WDR41: variants seen among roughly 807,000 people sequenced by gnomAD.
WDR41 encodes the protein WD repeat domain 41.
WDR41 carries 63 observed loss-of-function variants against 69.3 expected under a neutral mutation model. The ratio of observed to expected loss-of-function variants is 0.91; its 90% CI spans 0.74 to 1.12. The LOEUF (loss-of-function observed/expected upper bound fraction) is 1.12. WDR41 is among the 50% of genes most tolerant of loss of function. The pLI is 0.00. For missense variants in WDR41, 543 were observed against 534.5 expected (o/e 1.02, Z -0.16); for synonymous variants, 185 against 192.1 (o/e 0.96, Z 0.31).
intron 1 of WDR41, among the ~76,000 whole-genome samples, chr5:77,568,588 G>A (rs903899389): frequency 3.9e-5 from 6 of 152,134 alleles, no homozygotes; most frequent in African/African-American, 1.4e-4. Context: ...TGATTTGGGG[G>A]AGAAAATAAT....
At chr5:77,433,442 A>G (rs1043249877) in intron 12 of WDR41, among the ~76,000 whole-genome samples, 155 bp from the exon 13 acceptor site, 3 of 152,242 alleles carry the variant, frequency 2.0e-5, no homozygotes, top group African/African-American at 7.2e-5. Context: ...GGTAAGTCAC[A>G]TACAAATAAT....
intron 1 of WDR41, among the ~76,000 whole-genome samples, chr5:77,517,055 T>G (rs1419301337): frequency 6.8e-6 from 1 of 148,012 alleles, no homozygotes; most frequent in Non-Finnish European, 1.5e-5. Context: ...AAAAATAAAA[T>G]AAAAGAATGT....
chr5:77,608,803 G>A (rs1034389073), intron 1 of WDR41, among the ~76,000 whole-genome samples: 2 of 152,198 alleles, frequency 1.3e-5, no homozygotes, highest in Admixed American at 6.5e-5. Context: ...GACAGTGGGC[G>A]CAGGACAGGG....
intron 1 of WDR41, among the ~76,000 whole-genome samples, chr5:77,556,455 C>T (rs982944027): frequency 2.0e-5 from 3 of 151,852 alleles, no homozygotes; most frequent in African/African-American, 7.3e-5. Context: ...CTGCGCAGGC[C>T]AGAGTGCAGT....
intron 2 of WDR41, among the ~76,000 whole-genome samples, chr5:77,468,616 C>T (rs1241082331): frequency 6.6e-6 from 1 of 152,128 alleles, no homozygotes; most frequent in African/African-American, 2.4e-5. Context: ...CCCAAAAATT[C>T]AAATGTTACC....
chr5:77,575,064 A>T (rs34966625), intron 1 of WDR41, among the ~76,000 whole-genome samples: 17,457 of 152,210 alleles, frequency 0.11, 1,247 homozygotes, highest in South Asian at 0.16. Flanking sequence ...AAAAAAAAAC[A>T]AACATATCTT....
At chr5:77,464,872 GAACT>G in intron 2 of WDR41, 63 bp from the exon 3 acceptor site, 1 of 1,524,156 alleles carries the variant, frequency 6.6e-7, no homozygotes. Context: ...CTAAGATTAA[GAACT>G]ATCAAACCTT....
At chr5:77,490,396 T>C (rs1801720541) in intron 1 of WDR41, among the ~76,000 whole-genome samples, 2 of 152,150 alleles carry the variant, frequency 1.3e-5, no homozygotes, top group Admixed American at 6.5e-5. Flanking sequence ...TCTCCAGACA[T>C]TGCCAAATGT....
upstream of WDR41, among the ~76,000 whole-genome samples, chr5:77,496,906 G>A (rs537103132): frequency 1.6e-4 from 25 of 152,238 alleles, no homozygotes; most frequent in Admixed American, 4.6e-4. Flanking sequence ...CAGACATGTA[G>A]ACCAATGGAA....
In WDR41 at chr5:77,594,439, A is replaced by G. The variant is rs867667192; in HGVS notation, c.42+26040T>C. Among the ~76,000 whole-genome samples the G allele has an allele frequency of 3.9e-5, 6 of 152,144 alleles. No individual in the cohort carries two copies. In the South Asian group the frequency reaches 1.2e-3, roughly 32 times the overall value. ...TAAAAAATGTATATATAAAAAATAA[A>G]AAAGAAATAAAAAAAGAAAATAAAT... is the stretch of plus-strand genomic sequence containing the variant. On this transcript the variant is annotated intron_variant, in intron 1 of 5. Transcript: ENST00000509971.
intron 2 of WDR41, among the ~76,000 whole-genome samples, chr5:77,478,334 C>A (rs1210253712): frequency 1.3e-5 from 2 of 152,150 alleles, no homozygotes. Context: ...ATGAGGCCAG[C>A]ATCATCCTGA....
intron 2 of WDR41, among the ~76,000 whole-genome samples, chr5:77,481,022 T>C (rs1801212904): frequency 1.3e-5 from 2 of 150,650 alleles, no homozygotes; most frequent in Non-Finnish European, 3.0e-5. Flanking sequence ...GTGGGTTTTC[T>C]GGGTTGTTTT....
intron 2 of WDR41, 79 bp from the exon 3 acceptor site, chr5:77,464,888 T>C: frequency 7.1e-7 from 1 of 1,416,128 alleles, no homozygotes; most frequent in Non-Finnish European, 9.9e-7. Flanking sequence ...TCAAACCTTA[T>C]TAGTGGTATT....
intron 2 of WDR41, among the ~76,000 whole-genome samples, chr5:77,488,269 G>A (rs1801609448): frequency 6.6e-6 from 1 of 152,084 alleles, no homozygotes; most frequent in Admixed American, 6.6e-5. Context: ...GAACTGCACT[G>A]CACATGGTAA....
In WDR41 at chr5:77,488,823, CACT is replaced by C. The variant is rs151132471; in HGVS notation, c.167+631_167+633del. ...AGAGGACGAAAATATTGAATTACACCACTAATTATGTAATTATTATGGTGAAAC... is the reference window on the plus strand; with the variant it reads ...AGAGGACGAAAATATTGAATTACACCAATTATGTAATTATTATGGTGAAAC... On this transcript the variant is annotated intron_variant, in intron 2 of 12. Coordinates refer to ENST00000296679, the MANE Select transcript of WDR41 (RefSeq NM_018268.4). Among the ~76,000 whole-genome samples the C allele has an allele frequency of 8.9e-3, 1,359 of 152,162 alleles. 21 individuals carry two copies. The highest frequency in any genetic ancestry group is 0.029 in the African/African-American group (1,217 of 41,508).
chr5:77,576,677 T>TA (rs1397995695), intron 1 of WDR41, among the ~76,000 whole-genome samples: 2 of 151,970 alleles, frequency 1.3e-5, no homozygotes, highest in African/African-American at 4.8e-5. Flanking sequence ...TCTTGGTCCT[T>TA]TTTTTTCCTC....
chr5:77,590,937 C>G (rs1744126757), intron 1 of WDR41, among the ~76,000 whole-genome samples: 1 of 151,970 alleles, frequency 6.6e-6, no homozygotes, highest in South Asian at 2.1e-4. Context: ...TTATGTAAGA[C>G]TTGGATTACC....
Position 77,590,193 on chromosome 5 carries a change from T to C in WDR41, c.42+30286A>G, listed in dbSNP as rs553941515. On this transcript the variant is annotated intron_variant, in intron 1 of 5. Transcript: ENST00000509971. ...GAATAAACCCAACTTGATTGTGGTA[T>C]ATTATCAGTTTTATAGATAGCTGGA... Among the ~76,000 whole-genome samples the C allele has an allele frequency of 1.1e-3, 160 of 152,346 alleles. 1 individual carries two copies. The highest frequency in any genetic ancestry group is 3.7e-3 in the African/African-American group (152 of 41,590).
intron 1 of WDR41, among the ~76,000 whole-genome samples, chr5:77,573,149 C>T (rs994234109): frequency 2.6e-5 from 4 of 152,148 alleles, no homozygotes; most frequent in African/African-American, 4.8e-5. Flanking sequence ...TTTTGCCCAG[C>T]TACCTGCAAG....
Sources: allele counts gnomAD v4.1 joint callset (sites outside exome capture counted in the v4.1 genomes callset), GRCh38; gene constraint gnomAD v4.1.1; transcripts MANE v1.5; gene names NCBI Gene and HGNC (gene_info 2026-07-23, HGNC 2026-07-21).